The following MACROD2 variants were observed in gnomAD, a reference collection of about 807,000 sequenced individuals.
The protein encoded by MACROD2 is ADP-ribose glycohydrolase MACROD2.
Under a neutral mutation model 70.4 loss-of-function variants are expected in MACROD2, and 36 were observed. The observed-to-expected ratio is 0.51, with a 90% CI of 0.39 to 0.68. The LOEUF (loss-of-function observed/expected upper bound fraction) is 0.68. Among genes scored for constraint, MACROD2 ranks in the 30% least tolerant of loss-of-function variants. MACROD2 has a pLI of 0.00. For synonymous variants in MACROD2, 172 were observed against 178.8 expected (o/e 0.96, Z 0.30); for missense variants, 496 against 538.4 (o/e 0.92, Z 0.78).
intron 8 of MACROD2, among the ~76,000 whole-genome samples, chr20:15,527,269 T>G (rs1372384112): frequency 6.6e-6 from 1 of 152,176 alleles, no homozygotes; most frequent in Admixed American, 6.5e-5. Flanking sequence ...AAAAGGCTCC[T>G]TACTCATTTT....
At chr20:15,577,948 A>G (rs1184038398) in intron 8 of MACROD2, among the ~76,000 whole-genome samples, 1 of 152,188 alleles carries the variant, frequency 6.6e-6, no homozygotes, top group Non-Finnish European at 1.5e-5. Context: ...GATATTAGCA[A>G]AGGTAATATA....
chr20:15,873,176 T>A (rs985421235), intron 9 of MACROD2, among the ~76,000 whole-genome samples: 5 of 152,222 alleles, frequency 3.3e-5, no homozygotes, highest in African/African-American at 1.2e-4. Flanking sequence ...AATTGTCAAA[T>A]TGTGCACTGT....
chr20:14,878,282 G>A (rs2073572172), intron 5 of MACROD2, among the ~76,000 whole-genome samples: 1 of 152,074 alleles, frequency 6.6e-6, no homozygotes, highest in Non-Finnish European at 1.5e-5. Flanking sequence ...TACTTGGCCT[G>A]TATGGCATTT....
chr20:14,346,093 CAAAAAAAAAAAAA>C (rs71190130), intron 3 of MACROD2, among the ~76,000 whole-genome samples: 3 of 41,152 alleles, frequency 7.3e-5, no homozygotes, highest in East Asian at 1.0e-3. Context: ...GATTCTGCCT[CAAAAAAAAAAAAA>C]AAAAAAAAAA....
intron 6 of MACROD2, among the ~76,000 whole-genome samples, chr20:15,359,714 A>G (rs905233040): frequency 1.3e-5 from 2 of 152,148 alleles, no homozygotes; most frequent in African/African-American, 4.8e-5. Flanking sequence ...ACTAATTAAA[A>G]GAGAATTTAA....
At chr20:15,762,723 G>A (rs2051456120) in intron 8 of MACROD2, among the ~76,000 whole-genome samples, 1 of 152,126 alleles carries the variant, frequency 6.6e-6, no homozygotes, top group African/African-American at 2.4e-5. Flanking sequence ...GAGGGGTGAG[G>A]GACATGTAAG....
chr20:15,850,643 A>T (rs1053120113), intron 8 of MACROD2, among the ~76,000 whole-genome samples: 3 of 152,180 alleles, frequency 2.0e-5, no homozygotes, highest in African/African-American at 7.2e-5. Flanking sequence ...ATCTGCAGAG[A>T]TGTGTCTTGG....
chr20:15,147,115 A>C (rs984248798), intron 5 of MACROD2, among the ~76,000 whole-genome samples: 2 of 152,210 alleles, frequency 1.3e-5, no homozygotes, highest in East Asian at 3.9e-4. Flanking sequence ...TGTAAATCAG[A>C]GTAGAAAAAA....
intron 2 of MACROD2, among the ~76,000 whole-genome samples, chr20:14,084,377 A>T (rs555618282): frequency 6.6e-6 from 1 of 152,328 alleles, no homozygotes; most frequent in South Asian, 2.1e-4. Context: ...AGAGTGTCTC[A>T]GTGAATGAAT....
At chr20:15,881,724 C>T (rs753089584) in intron 9 of MACROD2, among the ~76,000 whole-genome samples, 8 of 152,162 alleles carry the variant, frequency 5.3e-5, no homozygotes, top group Non-Finnish European at 1.0e-4. Flanking sequence ...CAGCTTCAGT[C>T]CTCAAACAAG....
chr20:15,772,078 C>T lies in MACROD2; in HGVS notation c.646-90667C>T, dbSNP rs572397340. ...CCAGCCTGAGCGACAAAGTGAGACT[C>T]GGTCTCAAAAAAAAAAAAAAAAAAT... On this transcript the variant is annotated intron_variant, in intron 8 of 17. Coordinates refer to ENST00000684519, the MANE Select transcript of MACROD2 (RefSeq NM_001351661.2). Among the ~76,000 whole-genome samples, 352 of 90,932 alleles carry T rather than the reference C, an allele frequency of 3.9e-3. 3 individuals are homozygous for T. Among genetic ancestry groups the T allele is most frequent in the African/African-American group, 0.016 (345 of 21,132 alleles). 59.7% of individuals were successfully genotyped at this position (90,932 alleles called of 152,430 possible).
intron 5 of MACROD2, among the ~76,000 whole-genome samples, chr20:15,045,066 A>T (rs998676477): frequency 6.6e-6 from 1 of 152,182 alleles, no homozygotes; most frequent in Non-Finnish European, 1.5e-5. Flanking sequence ...CAACCTTTTA[A>T]CACACAAGGA....
At chr20:14,531,654 G>A (rs962448894) in intron 4 of MACROD2, among the ~76,000 whole-genome samples, 2 of 152,136 alleles carry the variant, frequency 1.3e-5, no homozygotes, top group South Asian at 2.1e-4. Flanking sequence ...GATAATGGAG[G>A]TAACGTTTTG....
intron 10 of MACROD2, chr20:15,894,100 T>C (rs1205193509): frequency 5.4e-6 from 2 of 367,762 alleles, no homozygotes; most frequent in Admixed American, 3.6e-5. Context: ...ACAGTGTGGT[T>C]GCTGGGTGCT....
At chr20:14,735,004 T>C (rs1004852646) in intron 5 of MACROD2, among the ~76,000 whole-genome samples, 4 of 152,136 alleles carry the variant, frequency 2.6e-5, no homozygotes, top group Non-Finnish European at 4.4e-5. Flanking sequence ...AGATTAATGA[T>C]ATAAATATGA....
At chr20:15,986,593 A>C (rs562346436) in intron 13 of MACROD2, 134 bp from the exon 14 acceptor site, 1 of 542,406 alleles carries the variant, frequency 1.8e-6, no homozygotes, top group South Asian at 3.1e-5. Flanking sequence ...GAAAAATTGT[A>C]TCTTTGCCCT....
intron 5 of MACROD2, among the ~76,000 whole-genome samples, chr20:14,842,097 G>C (rs2073093654): frequency 6.6e-6 from 1 of 152,108 alleles, no homozygotes; most frequent in African/African-American, 2.4e-5. Context: ...CATCTGGTGA[G>C]TGCCTTCTTG....
In MACROD2 at chr20:14,675,538, A is replaced by G. The variant is rs141645553; in HGVS notation, c.302-9305A>G. On this transcript the variant is annotated intron_variant, in intron 4 of 17. Coordinates refer to ENST00000684519, the MANE Select transcript of MACROD2 (RefSeq NM_001351661.2). ...TTGTCACCACCAGGCCTGCGTTACA[A>G]GAGCTCCTGAAGGAAGCACTAAATA... is the stretch of plus-strand genomic sequence containing the variant. Among the ~76,000 whole-genome samples the G allele has an allele frequency of 4.4e-3, 665 of 152,326 alleles. 5 individuals carry two copies. The highest frequency in any genetic ancestry group is 9.7e-3 in the Admixed American group (149 of 15,302).
intron 3 of MACROD2, among the ~76,000 whole-genome samples, chr20:14,487,318 C>T (rs931236692): frequency 6.6e-6 from 1 of 151,930 alleles, no homozygotes; most frequent in Non-Finnish European, 1.5e-5. Flanking sequence ...AATATGGTCA[C>T]ATGAATGTAT....
Sources: gnomAD v4.1 joint callset for allele counts (sites outside exome capture counted in the v4.1 genomes callset) on GRCh38, gnomAD v4.1.1 for gene constraint, MANE v1.5 for transcripts, NCBI Gene and HGNC (gene_info 2026-07-23, HGNC 2026-07-21) for gene names.